The following CLIP2 variants were observed in gnomAD, a reference collection of about 807,000 sequenced individuals.
CLIP2 encodes the protein CAP-Gly domain-containing linker protein 2.
Under a neutral mutation model 111.7 loss-of-function variants are expected in CLIP2, and 41 were observed. The ratio of observed to expected loss-of-function variants is 0.37; its 90% CI spans 0.29 to 0.48. The LOEUF (loss-of-function observed/expected upper bound fraction) is 0.48. CLIP2 is among the 20% of genes least tolerant of loss of function. CLIP2 has a pLI of 0.99. For missense variants in CLIP2, 1,160 were observed against 1,422.1 expected (o/e 0.82, Z 2.96); for synonymous variants, 660 against 644.2 (o/e 1.02, Z -0.37).
intron 15 of CLIP2, among the ~76,000 whole-genome samples, 165 bp downstream of exon 15, chr7:74,400,720 A>G (rs782195473): frequency 2.0e-5 from 3 of 150,656 alleles, no homozygotes; most frequent in Non-Finnish European, 4.4e-5. Context: ...CCTGTCCCAG[A>G]AACCCTGGTT....
chr7:74,401,462 C>T, intron 15 of CLIP2, 43 bp from the exon 16 acceptor site: 1 of 1,598,178 alleles, frequency 6.3e-7, no homozygotes, highest in South Asian at 1.1e-5. Flanking sequence ...TCGGGAACTG[C>T]TGCCTGGTGC....
chr7:74,346,599 T>G (rs1474795255), intron 3 of CLIP2, among the ~76,000 whole-genome samples: 2 of 151,834 alleles, frequency 1.3e-5, no homozygotes, highest in African/African-American at 4.8e-5. Flanking sequence ...GGCGCACGCC[T>G]GTAATCCAAG....
At chr7:74,367,885 TG>T (rs879982413) in intron 8 of CLIP2, among the ~76,000 whole-genome samples, 7 of 152,260 alleles carry the variant, frequency 4.6e-5, no homozygotes, top group Admixed American at 4.6e-4. Flanking sequence ...GAGACCAGCC[TG>T]GGCAACATAG....
At chr7:74,369,220 G>A (rs1255844868) in intron 8 of CLIP2, among the ~76,000 whole-genome samples, 1 of 152,046 alleles carries the variant, frequency 6.6e-6, no homozygotes, top group Non-Finnish European at 1.5e-5. Flanking sequence ...GCATGGTGGT[G>A]GGCACCAGTA....
chr7:74,376,686 A>T lies in CLIP2; in HGVS notation c.2285A>T (p.Lys762Met), dbSNP rs140995789. Reference sequence around the variant, plus strand: ...GAGCAGATCTCGCTGGCCGAGAAGAAGATGTTGGACTACGAGCGGCTGCAG... The same window carrying T: ...GAGCAGATCTCGCTGGCCGAGAAGATGATGTTGGACTACGAGCGGCTGCAG... ...LKEQISLAEK[K>M]MLDYERLQRA... Residue 762 changes from lysine (K) to methionine (M), a missense_variant, in exon 10 of 17, where the codon AAG becomes ATG. By Grantham distance (95) the Lys-to-Met change is moderately conservative. Coordinates refer to ENST00000223398, the MANE Select transcript of CLIP2 (RefSeq NM_003388.5). This position sits in a 1 kb window ranked among gnomAD's most constrained non-coding sequence, Gnocchi z 7.1. 9.3e-6 allele frequency: 15 copies of T among 1,613,192 alleles called. No homozygotes were observed. Among genetic ancestry groups the T allele is most frequent in the African/African-American group, 6.7e-5 (5 of 74,878 alleles).
chr7:74,358,475 G>A (rs1228372377), intron 6 of CLIP2, among the ~76,000 whole-genome samples: 3 of 151,952 alleles, frequency 2.0e-5, no homozygotes, highest in Admixed American at 2.0e-4. Flanking sequence ...GATTACAGGT[G>A]TGAGCCACTG....
intron 11 of CLIP2, among the ~76,000 whole-genome samples, chr7:74,382,182 C>G (rs1554314036): frequency 6.6e-6 from 1 of 151,176 alleles, no homozygotes; most frequent in Non-Finnish European, 1.5e-5. Flanking sequence ...CTCCCAGGTT[C>G]AAGCAATTCT....
At position 74,373,419 on chromosome 7, in the gene CLIP2, A is replaced by G. The variant is rs186537562; in HGVS notation, c.1485+383A>G. ...AGGCTGAGGCAGGAGAATCGCTTGA[A>G]CCTGGGAGGTGGAGGTTGCAGTGAG... On this transcript the variant is annotated intron_variant, in intron 9 of 16. Transcript: ENST00000223398. Among the ~76,000 whole-genome samples the G allele has an allele frequency of 1.4e-3, 212 of 152,174 alleles. 2 individuals are homozygous for G. Among genetic ancestry groups the G allele is most frequent in the East Asian group, 4.3e-3 (22 of 5,156 alleles).
intron 3 of CLIP2, among the ~76,000 whole-genome samples, chr7:74,348,515 T>C (rs1240025934): frequency 6.6e-6 from 1 of 150,624 alleles, no homozygotes; most frequent in Non-Finnish European, 1.5e-5. Context: ...GAGGGCCGGG[T>C]GCGGTGGCTC....
In CLIP2 at chr7:74,353,664, T is replaced by G. The variant is rs541132243; in HGVS notation, c.679-216T>G. ...TGAATGCAGGTCTGTGTGTCTGTCTTCAAAGCCTGTGCCCTTGCCTGTGTC... is the reference window on the plus strand; with the variant it reads ...TGAATGCAGGTCTGTGTGTCTGTCTGCAAAGCCTGTGCCCTTGCCTGTGTC... On this transcript the variant is annotated intron_variant, in intron 3 of 16. Coordinates refer to ENST00000223398, the MANE Select transcript of CLIP2 (RefSeq NM_003388.5). Among the ~76,000 whole-genome samples the G allele has an allele frequency of 6.6e-5, 10 of 152,338 alleles. No individual in the cohort carries two copies. In the East Asian group the frequency reaches 1.7e-3, roughly 26 times the overall value.
intron 14 of CLIP2, among the ~76,000 whole-genome samples, chr7:74,398,918 TG>T (rs550723723): frequency 1.6e-4 from 24 of 152,290 alleles, no homozygotes; most frequent in Admixed American, 1.4e-3. Flanking sequence ...CTGGTGCCCA[TG>T]GGGCACAGAT....
chr7:74,388,302 A>C (rs2116686604), intron 12 of CLIP2, among the ~76,000 whole-genome samples: 1 of 152,134 alleles, frequency 6.6e-6, no homozygotes, highest in East Asian at 1.9e-4. Context: ...ATGGCACTCC[A>C]GCCTGGCAGC....
intron 8 of CLIP2, among the ~76,000 whole-genome samples, chr7:74,365,927 T>C (rs991582819): frequency 5.3e-5 from 8 of 151,786 alleles, no homozygotes; most frequent in Admixed American, 2.0e-4. Flanking sequence ...CTAATTTTTG[T>C]ATTTTTTTTT....
chr7:74,319,457 G>T (rs551741248), intron 2 of CLIP2, among the ~76,000 whole-genome samples: 1 of 152,036 alleles, frequency 6.6e-6, no homozygotes, highest in Non-Finnish European at 1.5e-5. Flanking sequence ...ACAGTGAGCC[G>T]AGCTCATGCC....
intron 8 of CLIP2, among the ~76,000 whole-genome samples, chr7:74,368,646 A>G (rs995561241): frequency 3.9e-5 from 6 of 152,164 alleles, no homozygotes; most frequent in Non-Finnish European, 8.8e-5. Context: ...ACCAGGCCCT[A>G]GCACCATGCC....
intron 1 of CLIP2, among the ~76,000 whole-genome samples, chr7:74,291,112 T>C (rs1788003640): frequency 6.6e-6 from 1 of 152,182 alleles, no homozygotes; most frequent in Non-Finnish European, 1.5e-5. Flanking sequence ...TAGACCTGCG[T>C]TGAGCACAGG....
intron 1 of CLIP2, among the ~76,000 whole-genome samples, chr7:74,294,504 AC>A (rs1366231578): frequency 2.6e-5 from 4 of 152,190 alleles, no homozygotes; most frequent in African/African-American, 9.6e-5. Context: ...CCTGAGCGAC[AC>A]CCGCTCCCGA....
chr7:74,355,552 G>A (rs2116604662), intron 4 of CLIP2, among the ~76,000 whole-genome samples: 2 of 152,290 alleles, frequency 1.3e-5, no homozygotes, highest in South Asian at 4.1e-4. Flanking sequence ...TGAGGCTGCA[G>A]TGAGCTATGA....
At chr7:74,329,171 CCT>C (rs1789207038) in intron 2 of CLIP2, among the ~76,000 whole-genome samples, 1 of 151,108 alleles carries the variant, frequency 6.6e-6, no homozygotes, top group Non-Finnish European at 1.5e-5. Context: ...CGTGATCCGC[CCT>C]CCTCGGCCTT....
Sources: gnomAD v4.1 joint callset for allele counts (sites outside exome capture counted in the v4.1 genomes callset) on GRCh38, gnomAD v4.1.1 for gene constraint, Gnocchi (gnomAD v3.1) non-coding constraint, MANE v1.5 for transcripts, NCBI Gene and HGNC (gene_info 2026-07-23, HGNC 2026-07-21) for gene names.